Variants in SPRY3 observed in about 807,000 individuals in gnomAD.
The protein encoded by SPRY3 is sprouty RTK signaling antagonist 3, also known as protein sprouty homolog 3.
Under a neutral mutation model 20.2 loss-of-function variants are expected in SPRY3, and 15 were observed. The ratio of observed to expected loss-of-function variants is 0.74; its 90% CI spans 0.50 to 1.14. The LOEUF (loss-of-function observed/expected upper bound fraction) is 1.14. SPRY3 is among the 50% of genes most tolerant of loss of function. The pLI, the probability that SPRY3 is intolerant of heterozygous loss-of-function variation, is 0.00. For missense variants in SPRY3, 364 were observed against 363.9 expected (o/e 1.00, Z 0.00); for synonymous variants, 143 against 136.5 (o/e 1.05, Z -0.33).
rs782446562 is a variant in SPRY3 at position 155,667,385 on chromosome X, TGG to T, written c.-282+10362_-282+10363del. Among the ~76,000 whole-genome samples, 12 of 111,131 alleles carry T rather than the reference TGG, an allele frequency of 1.1e-4. No homozygotes were observed. In the East Asian group the frequency reaches 3.4e-3, roughly 32 times the overall value. On this transcript the variant is annotated intron_variant, in intron 2 of 3. Transcript: ENST00000675360. ...CAAATAGGGGGAAATTGGTAATGTCTGGGACTCCAAATGGTAAGAGTGAATGG... is the reference window on the plus strand; with the variant it reads ...CAAATAGGGGGAAATTGGTAATGTCTGACTCCAAATGGTAAGAGTGAATGG...
At chrX:155,727,474 C>G (rs1453142243) in intron 2 of SPRY3, among the ~76,000 whole-genome samples, 1 of 152,048 alleles carries the variant, frequency 6.6e-6, no homozygotes, top group South Asian at 2.1e-4. Flanking sequence ...TCACATAGTC[C>G]CATGTTTCTT....
chrX:155,707,698 G>T (rs2090961137), intron 2 of SPRY3, among the ~76,000 whole-genome samples: 1 of 150,684 alleles, frequency 6.6e-6, no homozygotes, highest in Non-Finnish European at 1.5e-5. Flanking sequence ...ACTCTTTCTT[G>T]TCTTAAAGTC....
intron 1 of SPRY3, among the ~76,000 whole-genome samples, chrX:155,645,255 C>A (rs1389502183): frequency 8.9e-6 from 1 of 111,968 alleles, no homozygotes; most frequent in East Asian, 2.8e-4. Context: ...TGAAAGGGGT[C>A]TCCTCTGGAG....
intron 2 of SPRY3, among the ~76,000 whole-genome samples, chrX:155,728,393 G>A (rs2091113432): frequency 6.6e-6 from 1 of 152,196 alleles, no homozygotes; most frequent in Admixed American, 6.5e-5. Context: ...GCTGCCTTTT[G>A]TTCAGCTATG....
intron 2 of SPRY3, among the ~76,000 whole-genome samples, chrX:155,743,350 A>G (rs977864435): frequency 2.0e-5 from 3 of 152,096 alleles, no homozygotes; most frequent in South Asian, 2.1e-4. Context: ...GGATGTGCAC[A>G]TGGTCATGCC....
At chrX:155,769,471 C>T (rs2091367749) in intron 3 of SPRY3, among the ~76,000 whole-genome samples, 3 of 152,006 alleles carry the variant, frequency 2.0e-5, no homozygotes, top group South Asian at 4.2e-4. Flanking sequence ...CCTACAGCCA[C>T]GCAGCAAAGT....
At chrX:155,708,758 T>C (rs2090968124) in intron 2 of SPRY3, among the ~76,000 whole-genome samples, 1 of 151,494 alleles carries the variant, frequency 6.6e-6, no homozygotes, top group Non-Finnish European at 1.5e-5. Context: ...CTAATTATAC[T>C]CTTTTTAGTT....
At chrX:155,774,579 C>T in exon 4 of SPRY3, 2 of 1,613,868 alleles carry the variant, frequency 1.2e-6, no homozygotes, top group South Asian at 2.2e-5. Context: ...CCTGCCTGTG[C>T]TGCTACCTGC....
At chrX:155,711,478 T>A (rs1481122118) in intron 2 of SPRY3, among the ~76,000 whole-genome samples, 1 of 149,852 alleles carries the variant, frequency 6.7e-6, no homozygotes, top group Non-Finnish European at 1.5e-5. Flanking sequence ...TCCTTTGAAT[T>A]TCTGTGGTAT....
At chrX:155,768,982 A>C (rs1252503103) in intron 3 of SPRY3, among the ~76,000 whole-genome samples, 1 of 152,210 alleles carries the variant, frequency 6.6e-6, no homozygotes, top group Non-Finnish European at 1.5e-5. Flanking sequence ...TTAAAACCTC[A>C]CTGTATCATG....
chrX:155,722,762 G>A (rs2091068635), intron 2 of SPRY3, among the ~76,000 whole-genome samples: 2 of 151,988 alleles, frequency 1.3e-5, no homozygotes, highest in Admixed American at 6.6e-5. Flanking sequence ...AATATCCTTT[G>A]ATCTATTGGC....
intron 2 of SPRY3, among the ~76,000 whole-genome samples, chrX:155,735,885 T>C (rs1320250707): frequency 4.6e-5 from 7 of 151,970 alleles, no homozygotes; most frequent in African/African-American, 1.7e-4. Context: ...TTTATCTTTT[T>C]CTATCTTCCA....
intron 2 of SPRY3, among the ~76,000 whole-genome samples, chrX:155,720,896 G>A (rs1334488048): frequency 6.6e-6 from 1 of 152,038 alleles, no homozygotes; most frequent in African/African-American, 2.4e-5. Context: ...ACATCTACAA[G>A]TATCAAAACA....
At chrX:155,781,865 T>A (rs1401987710) in exon 2 of SPRY3, 1 of 166,942 alleles carries the variant, frequency 6.0e-6, no homozygotes, top group Non-Finnish European at 1.5e-5. Context: ...CTTGTGTAGG[T>A]CGTATGTGCC....
At chrX:155,763,008 A>G (rs2091310357) in intron 2 of SPRY3, among the ~76,000 whole-genome samples, 1 of 152,200 alleles carries the variant, frequency 6.6e-6, no homozygotes, top group Non-Finnish European at 1.5e-5. Flanking sequence ...AAAATATGGT[A>G]CACCATGGAA....
chrX:155,659,408 G>A (rs1336965178), intron 2 of SPRY3, among the ~76,000 whole-genome samples: 6 of 110,460 alleles, frequency 5.4e-5, no homozygotes, highest in African/African-American at 2.0e-4. Flanking sequence ...GCCTCCTAAA[G>A]TGCTGGGATT....
intron 2 of SPRY3, among the ~76,000 whole-genome samples, chrX:155,662,703 A>AAAAAAT (rs5904408): frequency 1.9e-5 from 2 of 107,503 alleles, no homozygotes; most frequent in Admixed American, 2.0e-4. Context: ...AAAAAAAAAA[A>AAAAAAT]CTCTACCACC....
intron 2 of SPRY3, among the ~76,000 whole-genome samples, chrX:155,671,461 T>C (rs1360983326): frequency 9.0e-6 from 1 of 111,131 alleles, no homozygotes; most frequent in Non-Finnish European, 1.9e-5. Context: ...TATGGCAAAA[T>C]CTTTCTCTGT....
chrX:155,659,942 A>C (rs1293056704), intron 2 of SPRY3, among the ~76,000 whole-genome samples: 2 of 111,680 alleles, frequency 1.8e-5, no homozygotes, highest in African/African-American at 6.5e-5. Context: ...TCTAGCTAGC[A>C]GTCCATCAAT....
Sources: allele counts gnomAD v4.1 joint callset (sites outside exome capture counted in the v4.1 genomes callset), GRCh38; gene constraint gnomAD v4.1.1; transcripts MANE v1.5; gene names NCBI Gene and HGNC (gene_info 2026-07-23, HGNC 2026-07-21).